The following PDS5A variants were observed in gnomAD, a reference collection of about 807,000 sequenced individuals.
PDS5A encodes the protein PDS5 cohesin associated factor A.
In PDS5A, 42 loss-of-function variants were observed where a neutral mutation model predicts 167.1. The observed-to-expected ratio is 0.25, with a 90% CI of 0.20 to 0.33. PDS5A has a LOEUF of 0.33. Among genes scored for constraint, PDS5A ranks in the 10% least tolerant of loss-of-function variants. PDS5A has a pLI of 1.00. For synonymous variants in PDS5A, 553 were observed against 554.6 expected (o/e 1.00, Z 0.04); for missense variants, 1,033 against 1,605.9 (o/e 0.64, Z 6.10).
chr4:39,867,774 A>ACCCCC (rs1553892710), intron 22 of PDS5A, among the ~76,000 whole-genome samples: 41 of 108,596 alleles, frequency 3.8e-4, no homozygotes, highest in South Asian at 2.5e-3. Flanking sequence ...ACACACACAC[A>ACCCCC]CCCCACAACT....
chr4:39,849,377 T>C (rs1295616734), intron 27 of PDS5A, 143 bp downstream of exon 27: 1 of 572,186 alleles, frequency 1.7e-6, no homozygotes, highest in Non-Finnish European at 3.0e-6. Context: ...TGAAGTGCAA[T>C]AAAAACTGAC....
chr4:39,968,433 ATTT>A (rs375287668), intron 2 of PDS5A, among the ~76,000 whole-genome samples: 1 of 134,586 alleles, frequency 7.4e-6, no homozygotes, highest in Non-Finnish European at 1.6e-5. Flanking sequence ...TATAATATTA[ATTT>A]TTTTTTTTTT....
intron 11 of PDS5A, among the ~76,000 whole-genome samples, chr4:39,906,056 A>G (rs1319410198): frequency 6.6e-6 from 1 of 152,184 alleles, no homozygotes; most frequent in Non-Finnish European, 1.5e-5. Context: ...CAAGAATTTC[A>G]ACATCAAATT....
chr4:39,972,647 G>A (rs1383356537), intron 2 of PDS5A, among the ~76,000 whole-genome samples: 1 of 151,314 alleles, frequency 6.6e-6, no homozygotes, highest in African/African-American at 2.4e-5. Flanking sequence ...TTACAGGCAT[G>A]AGCCCCTGTA....
intron 7 of PDS5A, among the ~76,000 whole-genome samples, chr4:39,918,568 T>C (rs1023010605): frequency 6.6e-5 from 10 of 152,168 alleles, no homozygotes; most frequent in Non-Finnish European, 1.3e-4. Flanking sequence ...AAATATTCAT[T>C]ATTGGCCAGG....
At chr4:39,903,823 C>G (rs563840668) in intron 12 of PDS5A, among the ~76,000 whole-genome samples, 15 of 152,076 alleles carry the variant, frequency 9.9e-5, no homozygotes, top group African/African-American at 3.1e-4. Flanking sequence ...ATAAGGCTAC[C>G]TTATAATCGT....
chr4:39,905,511 T>C (rs1031867839), intron 11 of PDS5A, among the ~76,000 whole-genome samples: 3 of 152,100 alleles, frequency 2.0e-5, no homozygotes, highest in Admixed American at 1.3e-4. Flanking sequence ...TGAGCCAAGA[T>C]TGCGCCACTG....
intron 2 of PDS5A, among the ~76,000 whole-genome samples, chr4:39,965,540 A>C (rs1013041933): frequency 1.3e-5 from 2 of 152,262 alleles, no homozygotes; most frequent in Non-Finnish European, 2.9e-5. Context: ...TGTGGTACAT[A>C]CATACAATGG....
chr4:39,890,783 A>G (rs1324627049), intron 16 of PDS5A, among the ~76,000 whole-genome samples: 1 of 151,772 alleles, frequency 6.6e-6, no homozygotes, highest in African/African-American at 2.4e-5. Context: ...TGCCCAGCTA[A>G]TTTTTGTTAT....
chr4:39,932,717 G>C (rs1726196163), intron 2 of PDS5A: 1 of 152,490 alleles, frequency 6.6e-6, no homozygotes, highest in Non-Finnish European at 1.5e-5. Context: ...TATAATCCCA[G>C]CTACTCAGGA....
At chr4:39,828,474 C>T (rs575557792) in intron 32 of PDS5A, among the ~76,000 whole-genome samples, 19 of 152,180 alleles carry the variant, frequency 1.2e-4, no homozygotes, top group Admixed American at 3.9e-4. Context: ...AGGAATTCTG[C>T]GAGGGTTAGC....
At chr4:39,905,515 G>A (rs546455566) in intron 11 of PDS5A, among the ~76,000 whole-genome samples, 7 of 152,178 alleles carry the variant, frequency 4.6e-5, no homozygotes, top group East Asian at 1.9e-4. Flanking sequence ...CCAAGATTGC[G>A]CCACTGCACT....
At chr4:39,968,102 A>T (rs989746095) in intron 2 of PDS5A, among the ~76,000 whole-genome samples, 2 of 152,120 alleles carry the variant, frequency 1.3e-5, no homozygotes, top group African/African-American at 4.8e-5. Flanking sequence ...TTGCACAGCT[A>T]TTTATAAGTG....
At chr4:39,945,483 T>TAAAAAAAAAAAAAAAA (rs770327279) in intron 2 of PDS5A, among the ~76,000 whole-genome samples, 3 of 135,904 alleles carry the variant, frequency 2.2e-5, no homozygotes, top group African/African-American at 5.4e-5. Flanking sequence ...AAAAAAAAAT[T>TAAAAAAAAAAAAAAAA]AAATGCAGGC....
At chr4:39,954,895 C>T (rs1434745175) in intron 2 of PDS5A, among the ~76,000 whole-genome samples, 1 of 151,806 alleles carries the variant, frequency 6.6e-6, no homozygotes, top group Non-Finnish European at 1.5e-5. Flanking sequence ...CAAAAATTAG[C>T]TAGGCGTGGT....
intron 22 of PDS5A, among the ~76,000 whole-genome samples, chr4:39,867,733 AAC>A (rs142147688): frequency 0.045 from 5,890 of 130,584 alleles, 123 homozygotes; most frequent in African/African-American, 0.051. Context: ...AAAAAACCAA[AAC>A]ACACACACAC....
chr4:39,944,862 A>T (rs1727601074), intron 2 of PDS5A, among the ~76,000 whole-genome samples: 1 of 152,158 alleles, frequency 6.6e-6, no homozygotes, highest in Non-Finnish European at 1.5e-5. Context: ...AAATCATTCT[A>T]TATTTTGACC....
At chr4:39,870,646 A>G (rs1719947085) in intron 21 of PDS5A, among the ~76,000 whole-genome samples, 1 of 152,092 alleles carries the variant, frequency 6.6e-6, no homozygotes, top group South Asian at 2.1e-4. Flanking sequence ...GGAATTTAAT[A>G]CACAGCTCTC....
At chr4:39,946,017 G>C (rs1045892448) in intron 2 of PDS5A, among the ~76,000 whole-genome samples, 2 of 151,826 alleles carry the variant, frequency 1.3e-5, no homozygotes, top group Admixed American at 6.6e-5. Flanking sequence ...GACCAGCCTG[G>C]CCAACAAGGC....
Sources: allele counts gnomAD v4.1 joint callset (sites outside exome capture counted in the v4.1 genomes callset), GRCh38; gene constraint gnomAD v4.1.1; transcripts MANE v1.5; gene names NCBI Gene and HGNC (gene_info 2026-07-23, HGNC 2026-07-21).